Variants in KCNH8 observed in about 807,000 individuals in gnomAD.
KCNH8 encodes voltage-gated delayed rectifier potassium channel KCNH8.
A neutral mutation model predicts 103.6 loss-of-function variants in KCNH8; 70 were observed. The observed-to-expected ratio is 0.68, with a 90% CI of 0.56 to 0.82. The LOEUF (loss-of-function observed/expected upper bound fraction) is 0.82, where lower values mean the gene tolerates loss of function less well. Ranked by LOEUF, KCNH8 falls within the 40% of genes least tolerant of loss-of-function variation. The pLI is 0.00. For missense variants in KCNH8, 1,217 were observed against 1,329.9 expected (o/e 0.92, Z 1.32); for synonymous variants, 498 against 489.4 (o/e 1.02, Z -0.23).
rs370836312 is a variant in KCNH8, at chr3:19,165,367, A to G, written c.76+16572A>G. On this transcript the variant is annotated intron_variant, in intron 1 of 15. Coordinates refer to ENST00000328405, the MANE Select transcript of KCNH8 (RefSeq NM_144633.3). ...ATTATTGTTTGTGCAGGTACAGACT[A>G]TTGAACGTAAACTATTACTTGAGAA... Among the ~76,000 whole-genome samples, 71 of 152,338 alleles carry G rather than the reference A, an allele frequency of 4.7e-4. No individual in the cohort carries two copies. The South Asian group carries it at 0.013, about 29-fold the overall frequency.
At chr3:19,355,571 A>C (rs1056378050) in intron 5 of KCNH8, among the ~76,000 whole-genome samples, 4 of 152,174 alleles carry the variant, frequency 2.6e-5, no homozygotes, top group Non-Finnish European at 4.4e-5. Flanking sequence ...GGATGAGTTC[A>C]TGTCCTTTGT....
intron 3 of KCNH8, among the ~76,000 whole-genome samples, chr3:19,289,322 A>G (rs2064883642): frequency 6.6e-6 from 1 of 152,038 alleles, no homozygotes; most frequent in African/African-American, 2.4e-5. Context: ...CCTGAATGGT[A>G]TTGCCTAGGT....
At chr3:19,347,457 T>G (rs1253032381) in intron 4 of KCNH8, among the ~76,000 whole-genome samples, 1 of 152,060 alleles carries the variant, frequency 6.6e-6, no homozygotes, top group Non-Finnish European at 1.5e-5. Context: ...TTTTAGGTAA[T>G]GGTCTTTTTT....
chr3:19,466,988 A>G (rs2067752003), intron 11 of KCNH8, among the ~76,000 whole-genome samples: 2 of 152,102 alleles, frequency 1.3e-5, no homozygotes, highest in African/African-American at 2.4e-5. Flanking sequence ...TAAGATATGT[A>G]TGTTGTTTTT....
intron 2 of KCNH8, among the ~76,000 whole-genome samples, chr3:19,258,712 C>G (rs1277432741): frequency 6.6e-6 from 1 of 151,592 alleles, no homozygotes; most frequent in South Asian, 2.1e-4. Flanking sequence ...ATTAGTGGCT[C>G]ACAGCACTTG....
intron 1 of KCNH8, among the ~76,000 whole-genome samples, chr3:19,217,985 G>A (rs1362311547): frequency 1.3e-5 from 2 of 152,142 alleles, no homozygotes; most frequent in Non-Finnish European, 2.9e-5. Context: ...AAGAACCTGT[G>A]TCACATAAAC....
intron 1 of KCNH8, among the ~76,000 whole-genome samples, chr3:19,187,458 A>G (rs559669977): frequency 6.6e-6 from 1 of 152,234 alleles, no homozygotes; most frequent in Admixed American, 6.5e-5. Context: ...ACAGATGACC[A>G]TACCTTGTTA....
At chr3:19,499,590 T>C (rs997141191) in intron 11 of KCNH8, among the ~76,000 whole-genome samples, 5 of 152,154 alleles carry the variant, frequency 3.3e-5, no homozygotes, top group Non-Finnish European at 5.9e-5. Context: ...AGCAGATCTC[T>C]CGGCAGAAAC....
chr3:19,488,309 G>A (rs546932115), intron 11 of KCNH8, among the ~76,000 whole-genome samples: 7 of 152,246 alleles, frequency 4.6e-5, no homozygotes, highest in Non-Finnish European at 7.4e-5. Context: ...CTTAATGGCC[G>A]CGGCCAGTAA....
At chr3:19,413,477 C>T (rs1172567840) in intron 7 of KCNH8, among the ~76,000 whole-genome samples, 1 of 151,970 alleles carries the variant, frequency 6.6e-6, no homozygotes, top group Non-Finnish European at 1.5e-5. Flanking sequence ...CCTCAAACCT[C>T]GGAGTCATGG....
At chr3:19,449,982 A>G (rs1210643097) in intron 8 of KCNH8, 124 bp from the exon 9 acceptor site, 2 of 741,478 alleles carry the variant, frequency 2.7e-6, no homozygotes, top group Non-Finnish European at 4.4e-6. Context: ...AAATAGCTGT[A>G]TCAACATGGC....
chr3:19,488,019 C>A (rs1452613321), intron 11 of KCNH8, among the ~76,000 whole-genome samples: 1 of 152,156 alleles, frequency 6.6e-6, no homozygotes, highest in Non-Finnish European at 1.5e-5. Flanking sequence ...AACTTAATGT[C>A]CTTGCCTCCA....
At chr3:19,300,190 A>G (rs2065047653) in intron 3 of KCNH8, among the ~76,000 whole-genome samples, 1 of 152,144 alleles carries the variant, frequency 6.6e-6, no homozygotes. Flanking sequence ...CAGAGGTTGC[A>G]GTGAGCCAAG....
At chr3:19,394,686 G>T (rs529924098) in intron 6 of KCNH8, among the ~76,000 whole-genome samples, 11 of 151,962 alleles carry the variant, frequency 7.2e-5, no homozygotes, top group Middle Eastern at 3.4e-3. Flanking sequence ...ACTTCAATTT[G>T]TCTGAATTAT....
intron 1 of KCNH8, among the ~76,000 whole-genome samples, chr3:19,171,944 T>C (rs1200559053): frequency 2.0e-5 from 3 of 152,210 alleles, no homozygotes; most frequent in Non-Finnish European, 4.4e-5. Flanking sequence ...TTTGCACTCA[T>C]TGTGTGACAA....
chr3:19,322,052 C>T (rs886763714), intron 3 of KCNH8, among the ~76,000 whole-genome samples: 1 of 151,916 alleles, frequency 6.6e-6, no homozygotes, highest in Middle Eastern at 3.2e-3. Context: ...TCTTTTTCCA[C>T]CCCTTTACCC....
At chr3:19,250,456 A>G (rs898299357) in intron 1 of KCNH8, among the ~76,000 whole-genome samples, 1 of 152,214 alleles carries the variant, frequency 6.6e-6, no homozygotes, top group Non-Finnish European at 1.5e-5. Flanking sequence ...TAAGTCCCTG[A>G]AAGTAGGAAT....
chr3:19,335,015 C>T (rs2065562705), intron 3 of KCNH8, among the ~76,000 whole-genome samples: 2 of 151,636 alleles, frequency 1.3e-5, no homozygotes, highest in Non-Finnish European at 2.9e-5. Flanking sequence ...CCCAATTTTC[C>T]ATAATGAGTT....
chr3:19,519,813 ATTTGAGAAGGGCATT>A (rs2068940836), intron 15 of KCNH8, among the ~76,000 whole-genome samples: 1 of 151,878 alleles, frequency 6.6e-6, no homozygotes, highest in Non-Finnish European at 1.5e-5. Flanking sequence ...TTCCTCTCAT[ATTTGAGAAGGGCATT>A]TAATAATTTT....
Sources: allele counts gnomAD v4.1 joint callset (sites outside exome capture counted in the v4.1 genomes callset), GRCh38; gene constraint gnomAD v4.1.1; transcripts MANE v1.5; gene names NCBI Gene and HGNC (gene_info 2026-07-23, HGNC 2026-07-21).